The following NECAB1 variants were observed in gnomAD, a reference collection of about 807,000 sequenced individuals.
NECAB1 encodes the protein N-terminal EF-hand calcium binding protein 1, also known as N-terminal EF-hand calcium-binding protein 1.
Under a neutral mutation model 57.5 loss-of-function variants are expected in NECAB1, and 29 were observed. That is an observed-to-expected ratio of 0.50 (90% CI 0.38 to 0.69). The LOEUF (loss-of-function observed/expected upper bound fraction) is 0.69. Ranked by LOEUF, NECAB1 falls within the 30% of genes least tolerant of loss-of-function variation. The pLI is 0.00. For synonymous variants in NECAB1, 142 were observed against 147.7 expected (o/e 0.96, Z 0.28); for missense variants, 372 against 413.8 (o/e 0.90, Z 0.88).
chr8:90,940,760 A>T lies in NECAB1; in HGVS notation c.748-26A>T, dbSNP rs1479538831. 3 of 1,537,332 alleles carry T rather than the reference A, an allele frequency of 2.0e-6. No homozygotes were observed. The African/African-American group carries it at 4.1e-5, about 21-fold the overall frequency. On this transcript the variant is annotated intron_variant, in intron 9 of 12. Transcript: ENST00000417640. ...AATCGGGCTCCGTGACAGCCAACGC[A>T]GTGACCCTCGCCCCTTCCTTGGCAG...
intron 5 of NECAB1, among the ~76,000 whole-genome samples, chr8:90,904,880 T>C (rs976066529): frequency 2.0e-5 from 3 of 152,124 alleles, no homozygotes; most frequent in Non-Finnish European, 4.4e-5. Flanking sequence ...AAATGACTTA[T>C]CTATATGAAA....
At chr8:90,931,068 G>C (rs537572330) in intron 8 of NECAB1, among the ~76,000 whole-genome samples, 1 of 151,090 alleles carries the variant, frequency 6.6e-6, no homozygotes, top group South Asian at 2.1e-4. Flanking sequence ...TTTTTTTCTA[G>C]ACTTTTTTTC....
At chr8:90,934,202 T>A in intron 8 of NECAB1, 102 bp from the exon 9 acceptor site, 1 of 772,340 alleles carries the variant, frequency 1.3e-6, no homozygotes, top group Non-Finnish European at 2.0e-6. Context: ...GAAGTTCTTT[T>A]GGTTCAATGT....
At chr8:90,808,363 T>C (rs527303182) in intron 2 of NECAB1, among the ~76,000 whole-genome samples, 1 of 152,280 alleles carries the variant, frequency 6.6e-6, no homozygotes, top group South Asian at 2.1e-4. Flanking sequence ...CTCTGCTCCA[T>C]CTAGATCCCA....
chr8:90,819,998 C>T (rs368162245), intron 2 of NECAB1, among the ~76,000 whole-genome samples: 23 of 151,820 alleles, frequency 1.5e-4, no homozygotes, highest in African/African-American at 5.3e-4. Flanking sequence ...ATGGAGGTTC[C>T]CCAAAGGCTG....
At chr8:90,875,456 C>T (rs1808700735) in intron 4 of NECAB1, among the ~76,000 whole-genome samples, 1 of 127,304 alleles carries the variant, frequency 7.9e-6, no homozygotes, top group Non-Finnish European at 1.6e-5. Context: ...AGTCCGCAGT[C>T]CGGCCTGGGC....
At chr8:90,871,157 A>C (rs369332690) in intron 3 of NECAB1, among the ~76,000 whole-genome samples, 4 of 152,308 alleles carry the variant, frequency 2.6e-5, no homozygotes, top group African/African-American at 9.6e-5. Flanking sequence ...TGTGACAACT[A>C]TATAAAGTCA....
intron 12 of NECAB1, among the ~76,000 whole-genome samples, chr8:90,952,248 A>G (rs982724569): frequency 6.6e-6 from 1 of 152,088 alleles, no homozygotes; most frequent in African/African-American, 2.4e-5. Flanking sequence ...GCACCAGGAA[A>G]TAGCCAGAGT....
intron 3 of NECAB1, among the ~76,000 whole-genome samples, chr8:90,840,924 A>G (rs1812443033): frequency 6.6e-6 from 1 of 150,416 alleles, no homozygotes; most frequent in South Asian, 2.1e-4. Flanking sequence ...CAGGAGGAAG[A>G]ACAAAATGGT....
chr8:90,899,552 G>C (rs1196164723), intron 5 of NECAB1, among the ~76,000 whole-genome samples: 1 of 152,144 alleles, frequency 6.6e-6, no homozygotes, highest in Non-Finnish European at 1.5e-5. Context: ...AAATTTATTT[G>C]AGCTGGAGCA....
At chr8:90,851,499 A>G (rs2129777742) in intron 3 of NECAB1, among the ~76,000 whole-genome samples, 1 of 152,306 alleles carries the variant, frequency 6.6e-6, no homozygotes, top group Non-Finnish European at 1.5e-5. Context: ...CTCAATTGAT[A>G]TCCAGACTGT....
At position 90,893,891 on chromosome 8, in the gene NECAB1, T is replaced by A. The variant is rs59370587; in HGVS notation, c.357+12761T>A. Among the ~76,000 whole-genome samples the A allele has an allele frequency of 9.6e-3, 1,463 of 152,214 alleles. 22 individuals carry two copies. Among genetic ancestry groups the A allele is most frequent in the African/African-American group, 0.033 (1,373 of 41,510 alleles). ...TAGTCAACATCAACTATTCTCATGG[T>A]TGGATTTTTTTCTTCAGTTCATTAT... On this transcript the variant is annotated intron_variant, in intron 5 of 12. Transcript: ENST00000417640.
chr8:90,850,552 C>T (rs913187176), intron 3 of NECAB1, among the ~76,000 whole-genome samples: 6 of 151,968 alleles, frequency 3.9e-5, no homozygotes, highest in Non-Finnish European at 7.3e-5. Flanking sequence ...GTCATAAATA[C>T]AGCGAGCTGA....
intron 3 of NECAB1, among the ~76,000 whole-genome samples, chr8:90,834,430 G>C (rs558787745): frequency 1.5e-4 from 23 of 152,212 alleles, no homozygotes; most frequent in African/African-American, 5.3e-4. Context: ...TCATGAATGG[G>C]ATGAGTGCCC....
At chr8:90,793,731 C>T (rs908892627) in intron 1 of NECAB1, among the ~76,000 whole-genome samples, 8 of 152,076 alleles carry the variant, frequency 5.3e-5, no homozygotes, top group Admixed American at 5.2e-4. Flanking sequence ...TTCACTCTGT[C>T]CCCCATTGAG....
intron 8 of NECAB1, among the ~76,000 whole-genome samples, chr8:90,928,834 A>C (rs1023210581): frequency 6.6e-6 from 1 of 152,218 alleles, no homozygotes; most frequent in Non-Finnish European, 1.5e-5. Context: ...TGTGATGAAG[A>C]GTTCTTTAGA....
At chr8:90,800,011 A>G (rs997554473) in intron 1 of NECAB1, among the ~76,000 whole-genome samples, 4 of 152,090 alleles carry the variant, frequency 2.6e-5, no homozygotes, top group Non-Finnish European at 5.9e-5. Context: ...TCCTTGTGGA[A>G]GTCTTTCACT....
chr8:90,892,522 C>T (rs1809209842), intron 5 of NECAB1, among the ~76,000 whole-genome samples: 1 of 152,086 alleles, frequency 6.6e-6, no homozygotes, highest in Non-Finnish European at 1.5e-5. Context: ...TATTAACCCC[C>T]GCAAAAGGTG....
chr8:90,868,792 A>G (rs78581695), intron 3 of NECAB1, among the ~76,000 whole-genome samples: 2 of 152,220 alleles, frequency 1.3e-5, no homozygotes, highest in Non-Finnish European at 2.9e-5. Context: ...AGAAAAACCC[A>G]TTTTCTGGAG....
Sources: allele counts gnomAD v4.1 joint callset (sites outside exome capture counted in the v4.1 genomes callset), GRCh38; gene constraint gnomAD v4.1.1; transcripts MANE v1.5; gene names NCBI Gene and HGNC (gene_info 2026-07-23, HGNC 2026-07-21).